AKT3: variants seen among roughly 807,000 people sequenced by gnomAD.
AKT3 encodes AKT serine/threonine kinase 3.
A neutral mutation model predicts 65.3 loss-of-function variants in AKT3; 15 were observed. That is an observed-to-expected ratio of 0.23 (90% CI 0.15 to 0.35). The LOEUF (loss-of-function observed/expected upper bound fraction) is 0.35, where lower values mean the gene tolerates loss of function less well. Ranked by LOEUF, AKT3 falls within the 10% of genes least tolerant of loss-of-function variation. The pLI is 1.00. For synonymous variants in AKT3, 206 were observed against 183.8 expected, an observed-to-expected ratio of 1.12 and a Z score of -0.98; for missense variants, 243 against 576.5, an observed-to-expected ratio of 0.42 and a Z score of 5.92.
At chr1:243,721,791 C>A (rs944561294) in intron 2 of AKT3, among the ~76,000 whole-genome samples, 2 of 151,990 alleles carry the variant, frequency 1.3e-5, no homozygotes, top group South Asian at 2.1e-4. Flanking sequence ...AATGCCACTG[C>A]TAAAAGGAAA....
intron 10 of AKT3, among the ~76,000 whole-genome samples, chr1:243,562,807 A>C (rs1673890453): frequency 6.6e-6 from 1 of 152,144 alleles, no homozygotes; most frequent in African/African-American, 2.4e-5. Flanking sequence ...CTCACTGTAA[A>C]GTCTTTCAAG....
intron 2 of AKT3, among the ~76,000 whole-genome samples, chr1:243,814,219 G>A (rs1693370391): frequency 6.6e-6 from 1 of 152,076 alleles, no homozygotes; most frequent in Non-Finnish European, 1.5e-5. Context: ...AGTTAAAAGG[G>A]AAAGTAATAT....
intron 12 of AKT3, among the ~76,000 whole-genome samples, chr1:243,543,868 A>G (rs1672478786): frequency 6.6e-6 from 1 of 152,180 alleles, no homozygotes; most frequent in Admixed American, 6.5e-5. Context: ...CACCTATTTT[A>G]AATTCCTAGT....
chr1:243,806,045 T>C (rs1221338006), intron 2 of AKT3, among the ~76,000 whole-genome samples: 1 of 152,110 alleles, frequency 6.6e-6, no homozygotes, highest in African/African-American at 2.4e-5. Flanking sequence ...ATGCTTCCTA[T>C]TTTCTATTGC....
chr1:243,666,712 A>G (rs1425427735), intron 3 of AKT3, among the ~76,000 whole-genome samples: 1 of 152,210 alleles, frequency 6.6e-6, no homozygotes, highest in Non-Finnish European at 1.5e-5. Context: ...ATTATAAGGC[A>G]AAAATGCATT....
At chr1:243,632,606 A>G (rs1679689006) in intron 6 of AKT3, among the ~76,000 whole-genome samples, 1 of 152,218 alleles carries the variant, frequency 6.6e-6, no homozygotes, top group African/African-American at 2.4e-5. Flanking sequence ...CACTACTGAG[A>G]GAGTCAATCT....
intron 3 of AKT3, among the ~76,000 whole-genome samples, chr1:243,674,398 T>C (rs1162145951): frequency 6.6e-6 from 1 of 151,886 alleles, no homozygotes; most frequent in East Asian, 1.9e-4. Context: ...TAGGTACCTC[T>C]TGACATAACG....
At chr1:243,529,697 G>A (rs1671394094) in intron 12 of AKT3, among the ~76,000 whole-genome samples, 1 of 152,152 alleles carries the variant, frequency 6.6e-6, no homozygotes, top group Non-Finnish European at 1.5e-5. Context: ...ACTATAGCCT[G>A]CAGTATAGTT....
intron 2 of AKT3, among the ~76,000 whole-genome samples, chr1:243,834,728 A>G (rs1349312700): frequency 6.6e-6 from 1 of 152,104 alleles, no homozygotes; most frequent in African/African-American, 2.4e-5. Flanking sequence ...TATTCTGGAA[A>G]CTAAAAGTTT....
intron 2 of AKT3, among the ~76,000 whole-genome samples, chr1:243,812,627 C>G (rs1274753302): frequency 6.6e-6 from 1 of 152,128 alleles, no homozygotes. Context: ...CCTCAGGGAT[C>G]TAGAACTAGA....
At position 243,545,769 on chromosome 1, in the gene AKT3, G is replaced by A. The variant is rs1473466; in HGVS notation, c.1164-172C>T. ...AAGATCTATTTTTCCTAATATGCTT[G>A]TAAGAACTAGCTTCAGAACAGTATG... On this transcript the variant is annotated intron_variant, in intron 11 of 13. Coordinates refer to ENST00000673466, the MANE Select transcript of AKT3 (RefSeq NM_005465.7). 0.99 allele frequency: 556,113 copies of A among 561,974 alleles called. 275,417 individuals carry two copies. The highest frequency in any genetic ancestry group is 1 in the East Asian group (35,034 of 35,034). The allele number at this position is 561,974 out of a possible 1,614,324, so 34.8% of individuals were successfully genotyped here.
chr1:243,560,823 C>A (rs1673724505), intron 10 of AKT3, among the ~76,000 whole-genome samples: 1 of 152,044 alleles, frequency 6.6e-6, no homozygotes, highest in South Asian at 2.1e-4. Context: ...TCATCTGCTT[C>A]TTAAATGAGA....
At chr1:243,717,813 T>TA (rs1464753313) in intron 2 of AKT3, among the ~76,000 whole-genome samples, 2 of 152,220 alleles carry the variant, frequency 1.3e-5, no homozygotes, top group Non-Finnish European at 2.9e-5. Flanking sequence ...GATTTCAAGT[T>TA]AAGACACATG....
chr1:243,602,822 G>T (rs1677112085), intron 8 of AKT3, among the ~76,000 whole-genome samples: 1 of 152,064 alleles, frequency 6.6e-6, no homozygotes, highest in Non-Finnish European at 1.5e-5. Flanking sequence ...GGAATGTGAA[G>T]AATTTATCAG....
At chr1:243,671,393 T>C (rs954678933) in intron 3 of AKT3, among the ~76,000 whole-genome samples, 4 of 152,196 alleles carry the variant, frequency 2.6e-5, no homozygotes, top group African/African-American at 7.2e-5. Flanking sequence ...TTCCATTTTT[T>C]ATTAAATCAC....
At chr1:243,495,163 C>T (rs1368792462), downstream of AKT3, among the ~76,000 whole-genome samples, 1 of 152,226 alleles carries the variant, frequency 6.6e-6, no homozygotes. Context: ...CTTGGGTGCG[C>T]CCTGGGGAGG....
chr1:243,647,786 T>C (rs116011335), intron 4 of AKT3, among the ~76,000 whole-genome samples: 1 of 152,344 alleles, frequency 6.6e-6, no homozygotes, highest in African/African-American at 2.4e-5. Context: ...CAGTACAAAG[T>C]TAAATGAAAG....
In AKT3 at chr1:243,648,231, G is replaced by C. The variant is rs115546726; in HGVS notation, c.285-2194C>G. Among the ~76,000 whole-genome samples the C allele has an allele frequency of 7.1e-3, 1,078 of 150,832 alleles. 14 individuals are homozygous for C. Among genetic ancestry groups the C allele is most frequent in the African/African-American group, 0.025 (1,025 of 41,034 alleles). ...TGAAATCACACCATGGCACTCCAGT[G>C]AGGGTGACAGAGCAAGACTCCGTCT... On this transcript the variant is annotated intron_variant, in intron 4 of 13. Coordinates refer to ENST00000673466, the MANE Select transcript of AKT3 (RefSeq NM_005465.7).
chr1:243,613,609 G>A lies in AKT3; in HGVS notation c.696+62C>T, dbSNP rs912160604. On this transcript the variant is annotated intron_variant, in intron 8 of 13. Coordinates refer to ENST00000673466, the MANE Select transcript of AKT3 (RefSeq NM_005465.7). ...TGCTATATTGTAACTTGTATTTTAA[G>A]TAATGTTTTTAAAATAATGAAAATA... 5 of 1,263,008 alleles carry A rather than the reference G, an allele frequency of 4.0e-6. No individual in the cohort carries two copies. The East Asian group carries it at 7.4e-5, about 19-fold the overall frequency. The allele number at this position is 1,263,008 out of a possible 1,614,324, so 78.2% of individuals were successfully genotyped here.
Sources: gnomAD v4.1 joint callset for allele counts (sites outside exome capture counted in the v4.1 genomes callset) on GRCh38, gnomAD v4.1.1 for gene constraint, MANE v1.5 for transcripts, NCBI Gene and HGNC (gene_info 2026-07-23, HGNC 2026-07-21) for gene names.